Variants in RBFOX1 observed in about 807,000 individuals in gnomAD.
RBFOX1 encodes RNA binding fox-1 homolog 1.
Under a neutral mutation model 57.7 loss-of-function variants are expected in RBFOX1, and 8 were observed. That is an observed-to-expected ratio of 0.14 (90% confidence interval 0.08 to 0.25). The LOEUF (loss-of-function observed/expected upper bound fraction) is 0.25, where lower values mean the gene tolerates loss of function less well. RBFOX1 is among the 10% of genes least tolerant of loss of function. The pLI is 1.00. For synonymous variants in RBFOX1, 326 were observed against 222.4 expected (o/e 1.47, Z -4.15); for missense variants, 611 against 548.5 (o/e 1.11, Z -1.14).
intron 3 of RBFOX1, among the ~76,000 whole-genome samples, chr16:6,942,397 C>T (rs564429346): frequency 6.6e-6 from 1 of 152,222 alleles, no homozygotes; most frequent in East Asian, 1.9e-4. Flanking sequence ...TGGGTTCAAA[C>T]CACCCTCTCC....
At chr16:7,641,019 A>G (rs1440409409) in intron 11 of RBFOX1, among the ~76,000 whole-genome samples, 2 of 152,110 alleles carry the variant, frequency 1.3e-5, no homozygotes, top group African/African-American at 2.4e-5. Flanking sequence ...GTTTGATGCA[A>G]TGGAGCAGGT....
intron 2 of RBFOX1, among the ~76,000 whole-genome samples, chr16:6,581,434 C>A (rs1203022206): frequency 6.6e-6 from 1 of 152,152 alleles, no homozygotes; most frequent in African/African-American, 2.4e-5. Context: ...AGGCTTCCTT[C>A]CCCCAGCTGT....
intron 4 of RBFOX1, among the ~76,000 whole-genome samples, chr16:5,932,231 A>G (rs558603863): frequency 6.6e-6 from 1 of 152,298 alleles, no homozygotes; most frequent in East Asian, 1.9e-4. Context: ...GAGATCAGTG[A>G]GAAGGTTTTG....
chr16:7,479,989 G>A (rs148233288), intron 4 of RBFOX1, among the ~76,000 whole-genome samples: 43 of 152,292 alleles, frequency 2.8e-4, no homozygotes, highest in East Asian at 2.3e-3. Context: ...TGAGGCCGAC[G>A]TATAGGTGCC....
rs73486620 is a variant in RBFOX1, at chr16:7,557,688, G to C, written c.271-22089G>C. On this transcript the variant is annotated intron_variant, in intron 5 of 15. Coordinates refer to ENST00000550418, the MANE Select transcript of RBFOX1 (RefSeq NM_018723.4). ...ATTTTCTTAAACTGTGGCCCAGAAA[G>C]CACTTTTATATTAGAATTACCTGAT... Among the ~76,000 whole-genome samples the C allele has an allele frequency of 8.7e-3, 1,164 of 133,698 alleles. 18 individuals carry two copies. The highest frequency in any genetic ancestry group is 0.03 in the African/African-American group (1,080 of 35,576). 87.7% of individuals were successfully genotyped at this position (133,698 alleles called of 152,430 possible). A position where few individuals can be genotyped will look rare whatever the true frequency, so the allele number is the denominator to read the frequency against.
At chr16:6,954,433 T>G (rs1443357526) in intron 3 of RBFOX1, among the ~76,000 whole-genome samples, 1 of 152,148 alleles carries the variant, frequency 6.6e-6, no homozygotes, top group African/African-American at 2.4e-5. Context: ...TTTTTAAAAT[T>G]ACACGACTAT....
intron 3 of RBFOX1, among the ~76,000 whole-genome samples, chr16:5,716,590 C>G (rs2051709563): frequency 6.6e-6 from 1 of 152,194 alleles, no homozygotes; most frequent in African/African-American, 2.4e-5. Context: ...AAAAGGAACG[C>G]TTATATGCTG....
Position 6,013,171 on chromosome 16 carries a change from C to T in RBFOX1, c.351+145836C>T, listed in dbSNP as rs151334260. Among the ~76,000 whole-genome samples, 254 of 152,212 alleles carry T rather than the reference C, an allele frequency of 1.7e-3. 1 individual carries two copies. The East Asian group carries it at 0.025, about 15-fold the overall frequency. On this transcript the variant is annotated intron_variant, in intron 4 of 19. Transcript: ENST00000641259. Reference sequence around the variant, plus strand: ...TTAAGTAGTAGATATGGAATATGAACGCAGGCTGTCCTACTCATGAGCTCC... The same window carrying T: ...TTAAGTAGTAGATATGGAATATGAATGCAGGCTGTCCTACTCATGAGCTCC...
chr16:5,660,472 G>A (rs2049609452), intron 3 of RBFOX1, among the ~76,000 whole-genome samples: 1 of 152,130 alleles, frequency 6.6e-6, no homozygotes, highest in East Asian at 1.9e-4. Context: ...CGTTATCAAT[G>A]CAATGTGAGT....
chr16:5,242,910 C>T (rs2062202774), intron 1 of RBFOX1, among the ~76,000 whole-genome samples: 1 of 150,128 alleles, frequency 6.7e-6, no homozygotes, highest in African/African-American at 2.5e-5. Context: ...GATGTTTTAG[C>T]AGATAAATCG....
chr16:7,111,432 T>C (rs1205193681), intron 4 of RBFOX1, among the ~76,000 whole-genome samples: 4 of 152,228 alleles, frequency 2.6e-5, no homozygotes, highest in Admixed American at 2.6e-4. Flanking sequence ...GCTCTTTTAA[T>C]AGCCTTTGTA....
intron 1 of RBFOX1, among the ~76,000 whole-genome samples, chr16:6,195,965 A>C (rs1397994503): frequency 6.6e-6 from 1 of 152,182 alleles, no homozygotes; most frequent in African/African-American, 2.4e-5. Context: ...GTGGAATTTA[A>C]ATAGAAGTCT....
At chr16:6,917,153 C>G (rs547468031) in intron 3 of RBFOX1, among the ~76,000 whole-genome samples, 1 of 152,094 alleles carries the variant, frequency 6.6e-6, no homozygotes, top group Admixed American at 6.6e-5. Context: ...ACCCAGCCTG[C>G]AAATGATTTT....
chr16:6,233,361 C>G (rs917223582), intron 1 of RBFOX1, among the ~76,000 whole-genome samples: 3 of 152,014 alleles, frequency 2.0e-5, no homozygotes, highest in African/African-American at 7.2e-5. Flanking sequence ...TGATCCAAAC[C>G]ACCATCTCCC....
intron 2 of RBFOX1, among the ~76,000 whole-genome samples, chr16:6,635,270 A>G (rs1481281506): frequency 1.3e-5 from 2 of 151,730 alleles, no homozygotes; most frequent in Non-Finnish European, 1.5e-5. Flanking sequence ...ATTTTTTGGA[A>G]CATTAGTTCT....
chr16:7,261,420 T>A (rs114001863), intron 4 of RBFOX1, among the ~76,000 whole-genome samples: 3 of 152,300 alleles, frequency 2.0e-5, no homozygotes, highest in African/African-American at 7.2e-5. Context: ...GCCCAGCCTC[T>A]ATTTGGTGCC....
At chr16:5,350,673 C>T (rs2065242997) in intron 1 of RBFOX1, among the ~76,000 whole-genome samples, 1 of 152,128 alleles carries the variant, frequency 6.6e-6, no homozygotes, top group African/African-American at 2.4e-5. Flanking sequence ...TGAGACCAGC[C>T]TGGCCAACAT....
intron 10 of RBFOX1, among the ~76,000 whole-genome samples, chr16:7,610,058 C>T (rs751160790): frequency 7.3e-5 from 11 of 150,256 alleles, no homozygotes; most frequent in East Asian, 3.9e-4. Context: ...CCTCATGATC[C>T]GCCCTCCTCG....
At chr16:6,864,133 GGAA>G (rs2059507784) in intron 3 of RBFOX1, among the ~76,000 whole-genome samples, 1 of 152,014 alleles carries the variant, frequency 6.6e-6, no homozygotes, top group Non-Finnish European at 1.5e-5. Context: ...CTCTTTAGCA[GGAA>G]GAAGGAGGGG....
Sources: gnomAD v4.1 joint callset for allele counts (sites outside exome capture counted in the v4.1 genomes callset) on GRCh38, gnomAD v4.1.1 for gene constraint, MANE v1.5 for transcripts, NCBI Gene and HGNC (gene_info 2026-07-23, HGNC 2026-07-21) for gene names.